ITGA8: variants seen among roughly 807,000 people sequenced by gnomAD.
ITGA8 encodes the protein integrin alpha-8.
Under a neutral mutation model 142.3 loss-of-function variants are expected in ITGA8, and 91 were observed. That is an observed-to-expected ratio of 0.64 (90% confidence interval 0.54 to 0.76). The LOEUF is 0.76. Among genes scored for constraint, ITGA8 ranks in the 30% least tolerant of loss-of-function variants. ITGA8 has a pLI of 0.00. For synonymous variants in ITGA8, 505 were observed against 485.2 expected, an observed-to-expected ratio of 1.04 and a Z score of -0.54; for missense variants, 1,406 against 1,327.7, an observed-to-expected ratio of 1.06 and a Z score of -0.92.
At chr10:15,657,926 A>T (rs1425478742) in intron 10 of ITGA8, among the ~76,000 whole-genome samples, 2 of 152,216 alleles carry the variant, frequency 1.3e-5, no homozygotes, top group Admixed American at 6.5e-5. Flanking sequence ...TGAAATAGAG[A>T]TGCAATAGTT....
chr10:15,605,385 G>A (rs1833175977), intron 19 of ITGA8, among the ~76,000 whole-genome samples: 1 of 151,780 alleles, frequency 6.6e-6, no homozygotes, highest in Non-Finnish European at 1.5e-5. Flanking sequence ...AGGTGTAGAT[G>A]GAACCTGCCT....
intron 20 of ITGA8, among the ~76,000 whole-genome samples, chr10:15,599,085 A>ATT (rs3041566): frequency 0.54 from 81,059 of 150,786 alleles, 22,152 homozygotes; most frequent in African/African-American, 0.66. Context: ...TCTATAGTAA[A>ATT]TTTTTTTTTT....
At chr10:15,616,147 A>G (rs1833386863) in intron 14 of ITGA8, among the ~76,000 whole-genome samples, 1 of 152,244 alleles carries the variant, frequency 6.6e-6, no homozygotes, top group Admixed American at 6.5e-5. Flanking sequence ...TATGGAAGCC[A>G]GGATAAATAG....
chr10:15,641,363 G>A (rs573995064), intron 13 of ITGA8, among the ~76,000 whole-genome samples: 1 of 152,284 alleles, frequency 6.6e-6, no homozygotes, highest in East Asian at 1.9e-4. Flanking sequence ...AATGAAGAAA[G>A]TTACATGTCT....
At chr10:15,652,137 G>A (rs1054986475) in intron 11 of ITGA8, among the ~76,000 whole-genome samples, 2 of 152,176 alleles carry the variant, frequency 1.3e-5, no homozygotes, top group Non-Finnish European at 2.9e-5. Context: ...ATGTTGTTTC[G>A]ATTAACAGGA....
In ITGA8 at chr10:15,718,903, CAA is replaced by C. The variant is rs1253275541; in HGVS notation, c.210-6_210-5del. The C allele has an allele frequency of 1.9e-6, 3 of 1,613,992 alleles. No individual in the cohort carries two copies. The highest frequency in any genetic ancestry group is 1.1e-5 in the South Asian group (1 of 91,066). On this transcript the variant is annotated splice_region_variant and splice_polypyrimidine_tract_variant and intron_variant, in intron 1 of 29. Coordinates refer to ENST00000378076, the MANE Select transcript of ITGA8 (RefSeq NM_003638.3). ...CGCCCCCACCAAGACACTCGCTCTG[CAA>C]AAGAGTTGGAGAAAGTCACTCTTTG...
intron 2 of ITGA8, among the ~76,000 whole-genome samples, chr10:15,703,763 G>A (rs765586844): frequency 4.6e-5 from 7 of 151,932 alleles, no homozygotes; most frequent in African/African-American, 7.3e-5. Flanking sequence ...ATGCACACAC[G>A]CACACATAGG....
chr10:15,565,573 ATTTTTTTTTTTTTTTT>A (rs71374633), intron 25 of ITGA8, among the ~76,000 whole-genome samples: 1,252 of 34,938 alleles, frequency 0.036, 35 homozygotes, highest in Middle Eastern at 0.094. Context: ...TCATGTCCTG[ATTTTTTTTTTTTTTTT>A]TTTTTTTTTT....
chr10:15,550,105 A>G (rs1833768137), intron 26 of ITGA8, among the ~76,000 whole-genome samples: 1 of 152,148 alleles, frequency 6.6e-6, no homozygotes, highest in Non-Finnish European at 1.5e-5. Flanking sequence ...ATGGCAGTGA[A>G]TAAGTCTCAC....
chr10:15,650,639 T>C (rs995062616), intron 11 of ITGA8, among the ~76,000 whole-genome samples: 2 of 152,138 alleles, frequency 1.3e-5, no homozygotes, highest in African/African-American at 4.8e-5. Flanking sequence ...TCTTTGCAAA[T>C]CATCCAGTCT....
rs562826606 is a variant in ITGA8, at chr10:15,543,153, G to A, written c.2880+5302C>T. On this transcript the variant is annotated intron_variant, in intron 27 of 29. Coordinates refer to ENST00000378076, the MANE Select transcript of ITGA8 (RefSeq NM_003638.3). Reference sequence around the variant, plus strand: ...GTCAAATCTCTTCATTTTACAAATAGGGAATTTGAGCCCCATGAAAGTTAA... The same window carrying A: ...GTCAAATCTCTTCATTTTACAAATAAGGAATTTGAGCCCCATGAAAGTTAA... Among the ~76,000 whole-genome samples the A allele has an allele frequency of 9.8e-5, 15 of 152,310 alleles. No homozygotes were observed. In the South Asian group the frequency reaches 2.9e-3, roughly 29 times the overall value.
At chr10:15,608,325 A>C (rs375227402) in intron 15 of ITGA8, 35 bp from the exon 16 acceptor site, 1 of 1,395,088 alleles carries the variant, frequency 7.2e-7, no homozygotes, top group African/African-American at 1.5e-5. Context: ...TGGTTAATAA[A>C]GTTTTGAATC....
At chr10:15,624,335 A>G (rs928720183) in intron 13 of ITGA8, among the ~76,000 whole-genome samples, 4 of 152,218 alleles carry the variant, frequency 2.6e-5, no homozygotes, top group African/African-American at 4.8e-5. Flanking sequence ...GAACAAGTCA[A>G]TCTTCATTGC....
chr10:15,666,670 CTTA>C (rs1834400024), intron 8 of ITGA8, among the ~76,000 whole-genome samples: 1 of 152,006 alleles, frequency 6.6e-6, no homozygotes, highest in South Asian at 2.1e-4. Context: ...ATAGATAGCT[CTTA>C]TTATTTTGAG....
intron 13 of ITGA8, among the ~76,000 whole-genome samples, chr10:15,640,880 A>G (rs1260362348): frequency 6.6e-6 from 1 of 152,216 alleles, no homozygotes; most frequent in East Asian, 1.9e-4. Flanking sequence ...CAATGGAACG[A>G]GCCACAGAAG....
At chr10:15,602,567 C>A (rs1311979767) in intron 20 of ITGA8, among the ~76,000 whole-genome samples, 1 of 152,024 alleles carries the variant, frequency 6.6e-6, no homozygotes, top group African/African-American at 2.4e-5. Context: ...GCAAAACCCC[C>A]TCTCTACAGA....
In ITGA8 at chr10:15,604,366, A is replaced by C; in HGVS notation, c.1971-11T>G. ...ACCTGATGCTTATCTCTAAAAATGC[A>C]GTTTAAAAAGAAGGATTAGGTACTC... On this transcript the variant is annotated splice_polypyrimidine_tract_variant and intron_variant, in intron 19 of 29. Coordinates refer to ENST00000378076, the MANE Select transcript of ITGA8 (RefSeq NM_003638.3). 1 of 1,600,440 alleles carries C rather than the reference A, an allele frequency of 6.2e-7. No homozygotes were observed. The highest frequency in any genetic ancestry group is 8.5e-7 in the Non-Finnish European group (1 of 1,174,490).
chr10:15,534,991 G>A (rs889032399), intron 27 of ITGA8, among the ~76,000 whole-genome samples: 2 of 152,294 alleles, frequency 1.3e-5, no homozygotes, highest in Non-Finnish European at 2.9e-5. Context: ...GGGGAGAGGC[G>A]CAGGCGGGAA....
chr10:15,551,920 G>C (rs955648709), intron 26 of ITGA8, among the ~76,000 whole-genome samples: 1 of 152,066 alleles, frequency 6.6e-6, no homozygotes, highest in Non-Finnish European at 1.5e-5. Flanking sequence ...ATCAAGAACT[G>C]CCTTGGCCTT....
Sources: gnomAD v4.1 joint callset for allele counts (sites outside exome capture counted in the v4.1 genomes callset) on GRCh38, gnomAD v4.1.1 for gene constraint, MANE v1.5 for transcripts, NCBI Gene and HGNC (gene_info 2026-07-23, HGNC 2026-07-21) for gene names.